Variants in MED26 observed in about 807,000 individuals in gnomAD.
MED26 encodes the protein mediator of RNA polymerase II transcription subunit 26.
In MED26, 7 loss-of-function variants were observed where a neutral mutation model predicts 43.7. The observed-to-expected ratio is 0.16, with a 90% confidence interval of 0.09 to 0.30. The LOEUF is 0.30. Ranked by LOEUF, MED26 falls within the 10% of genes least tolerant of loss-of-function variation. The probability of loss-of-function intolerance (pLI) is 1.00; values close to 1 mark genes in which losing one functional copy is unlikely to be tolerated. For synonymous variants in MED26, 375 were observed against 371.1 expected, an observed-to-expected ratio of 1.01 and a Z score of -0.12; for missense variants, 784 against 840.6, an observed-to-expected ratio of 0.93 and a Z score of 0.83.
intron 1 of MED26, among the ~76,000 whole-genome samples, chr19:16,603,776 C>T (rs1297987022): frequency 6.6e-6 from 1 of 152,276 alleles, no homozygotes; most frequent in Non-Finnish European, 1.5e-5. Flanking sequence ...GGAGCTAGGG[C>T]ATTAGGGAAG....
intron 1 of MED26, among the ~76,000 whole-genome samples, chr19:16,614,629 T>C (rs1289554186): frequency 1.3e-5 from 2 of 152,082 alleles, no homozygotes; most frequent in Non-Finnish European, 2.9e-5. Context: ...CCTGAGGGGT[T>C]CACCAGGCCA....
chr19:16,603,431 T>G (rs1446367242), intron 1 of MED26, among the ~76,000 whole-genome samples: 1 of 152,170 alleles, frequency 6.6e-6, no homozygotes, highest in Non-Finnish European at 1.5e-5. Context: ...GGGCCACTGT[T>G]AAGCCATGAG....
At chr19:16,594,624 A>G (rs1176847869) in intron 1 of MED26, among the ~76,000 whole-genome samples, 1 of 152,070 alleles carries the variant, frequency 6.6e-6, no homozygotes, top group Non-Finnish European at 1.5e-5. Context: ...GAGAAGGTTC[A>G]TTTTTCACCA....
In MED26 at chr19:16,590,323, G is replaced by A. The variant is rs145033188; in HGVS notation, c.73-11914C>T. Among the ~76,000 whole-genome samples the A allele has an allele frequency of 2.2e-4, 34 of 152,246 alleles. No individual in the cohort carries two copies. The East Asian group carries it at 2.5e-3, about 11-fold the overall frequency. On this transcript the variant is annotated intron_variant, in intron 1 of 2. Coordinates refer to ENST00000263390, the MANE Select transcript of MED26 (RefSeq NM_004831.5). ...CAGGGTGCCAGCTGGCCACAGATTC[G>A]TTACTAACCTAACCTGCTACCCCAT...
At chr19:16,590,881 T>C (rs1682842573) in intron 1 of MED26, among the ~76,000 whole-genome samples, 1 of 150,956 alleles carries the variant, frequency 6.6e-6, no homozygotes, top group African/African-American at 2.4e-5. Flanking sequence ...CTACTAAAAA[T>C]ACAAAAAAAT....
chr19:16,576,123 T>G lies in MED26; in HGVS notation c.1707A>C (p.Thr569=), dbSNP rs777106333. 6.2e-7 allele frequency: 1 copy of G among 1,613,996 alleles called. No individual in the cohort carries two copies. The highest frequency in any genetic ancestry group is 1.1e-5 in the South Asian group (1 of 91,090). Reference sequence around the variant, plus strand: ...GCGTCCAGTCATACCAGTTACCCTGTGTGTCCTGACACCCGTTCACCCCCG... The same window carrying G: ...GCGTCCAGTCATACCAGTTACCCTGGGTGTCCTGACACCCGTTCACCCCCG... ...QWPGVNGCQD[T]QGNWYDWTQC... is the part of the protein sequence containing the mutation. The change falls in exon 3 of 3, where the codon ACA becomes ACC. Residue 569 remains threonine (T), a synonymous_variant. Transcript: ENST00000263390. The surrounding 1 kb of genome is among the most constrained non-coding windows in gnomAD (Gnocchi z 6.8).
intron 1 of MED26, among the ~76,000 whole-genome samples, chr19:16,602,697 A>C (rs1343734662): frequency 1.3e-5 from 2 of 152,234 alleles, no homozygotes; most frequent in African/African-American, 4.8e-5. Flanking sequence ...CACATGCAAC[A>C]ACACAGATGA....
At chr19:16,595,948 G>C (rs2086118224) in intron 1 of MED26, among the ~76,000 whole-genome samples, 1 of 152,114 alleles carries the variant, frequency 6.6e-6, no homozygotes, top group African/African-American at 2.4e-5. Context: ...CAATTCCCAG[G>C]TGTTAAACTT....
intron 1 of MED26, among the ~76,000 whole-genome samples, chr19:16,608,299 G>A (rs2086183423): frequency 6.6e-6 from 1 of 152,218 alleles, no homozygotes; most frequent in Non-Finnish European, 1.5e-5. Flanking sequence ...AAGAACAAAG[G>A]AGGAAGTTTT....
At position 16,576,673 on chromosome 19, in the gene MED26, G is replaced by A. The variant is rs1345608147; in HGVS notation, c.1157C>T (p.Ser386Leu). 50 of 1,613,986 alleles carry A rather than the reference G, an allele frequency of 3.1e-5. No homozygotes were observed. Among genetic ancestry groups the A allele is most frequent in the Non-Finnish European group, 4.2e-5 (50 of 1,180,040 alleles). Residue 386 changes from serine to leucine, a missense_variant, in exon 3 of 3, where the codon TCA becomes TTA. Physicochemically the swap from Ser to Leu is moderately radical, Grantham distance 145 (BLOSUM62 -2). Transcript: ENST00000263390. The surrounding 1 kb of genome is among the most constrained non-coding windows in gnomAD (Gnocchi z 6.8). ...CTTCTTTTTACTGTCCGAGCCCCCT[G>A]AGGAGGCAGCATCACTGTCCGCCTT... ...SSKADSDAAS[S>L]GGSDSKKKKR...
intron 1 of MED26, among the ~76,000 whole-genome samples, chr19:16,621,307 A>G (rs1599349912): frequency 6.6e-6 from 1 of 152,340 alleles, no homozygotes; most frequent in East Asian, 1.9e-4. Context: ...CAAAGAAGCA[A>G]TGAGACACTC....
Position 16,627,753 on chromosome 19 carries a change from C to A in MED26, c.72+119G>T, listed in dbSNP as rs551236825. 10 of 656,158 alleles carry A rather than the reference C, an allele frequency of 1.5e-5. No individual in the cohort carries two copies. In the East Asian group the frequency reaches 3.1e-4, roughly 20 times the overall value. 40.6% of individuals were successfully genotyped at this position (656,158 alleles called of 1,614,324 possible). On this transcript the variant is annotated intron_variant, in intron 1 of 2. Transcript: ENST00000263390. ...GCGAGAGGCAGGGATGGCAGCGGCCCTCGAGGGGAGGTGGGCGCCAGACGG... is the reference window on the plus strand; with the variant it reads ...GCGAGAGGCAGGGATGGCAGCGGCCATCGAGGGGAGGTGGGCGCCAGACGG...
At chr19:16,616,410 A>C (rs1422257449) in intron 1 of MED26, among the ~76,000 whole-genome samples, 1 of 152,220 alleles carries the variant, frequency 6.6e-6, no homozygotes, top group African/African-American at 2.4e-5. Flanking sequence ...GACTCTATCC[A>C]GCCAGCAACA....
chr19:16,627,823 G>T (rs1486017300), intron 1 of MED26, 49 bp downstream of exon 1: 2 of 1,396,276 alleles, frequency 1.4e-6, no homozygotes, highest in African/African-American at 3.0e-5. Context: ...GAGGGGGAGG[G>T]TCCCGGGCCC....
intron 1 of MED26, chr19:16,589,121 C>T (rs2086084501): frequency 6.6e-6 from 1 of 152,336 alleles, no homozygotes; most frequent in Non-Finnish European, 1.5e-5. Flanking sequence ...ACCCCTTCCC[C>T]CACAGCTCCT....
chr19:16,578,665 A>T (rs1275618072), intron 1 of MED26: 1 of 464,632 alleles, frequency 2.2e-6, no homozygotes, highest in Admixed American at 4.1e-5. Context: ...TACATGGTAC[A>T]TACCCACCCA....
At chr19:16,615,309 A>G (rs1325430493) in intron 1 of MED26, among the ~76,000 whole-genome samples, 2 of 152,162 alleles carry the variant, frequency 1.3e-5, no homozygotes, top group African/African-American at 4.8e-5. Context: ...CAGGAGAGGA[A>G]TAAGAAGGGC....
chr19:16,590,873 AC>A (rs1294836642), intron 1 of MED26, among the ~76,000 whole-genome samples: 2 of 151,758 alleles, frequency 1.3e-5, no homozygotes, highest in Admixed American at 1.3e-4. Flanking sequence ...CCCTGTCTCT[AC>A]TAAAAATACA....
At chr19:16,593,451 G>T (rs2086107130) in intron 1 of MED26, among the ~76,000 whole-genome samples, 1 of 152,192 alleles carries the variant, frequency 6.6e-6, no homozygotes, top group African/African-American at 2.4e-5. Context: ...CCACCTGCAG[G>T]TCTGCTCCTC....
Sources: allele counts gnomAD v4.1 joint callset (sites outside exome capture counted in the v4.1 genomes callset), GRCh38; gene constraint gnomAD v4.1.1; non-coding constraint Gnocchi (gnomAD v3.1); transcripts MANE v1.5; gene names NCBI Gene and HGNC (gene_info 2026-07-23, HGNC 2026-07-21).